Variants in CREBBP observed in about 807,000 individuals in gnomAD.
CREBBP encodes the protein CREB binding lysine acetyltransferase, also known as CREB-binding protein.
A neutral mutation model predicts 265.0 loss-of-function variants in CREBBP; 19 were observed. The ratio of observed to expected loss-of-function variants is 0.07; its 90% CI spans 0.05 to 0.11. The LOEUF is 0.11. Ranked by LOEUF, CREBBP falls within the 10% of genes least tolerant of loss-of-function variation. CREBBP has a pLI of 1.00. For missense variants in CREBBP, 2,525 were observed against 3,219.0 expected (o/e 0.78, Z 5.22); for synonymous variants, 1,457 against 1,223.7 (o/e 1.19, Z -3.98).
At chr16:3,735,109 C>T (rs1201834054) in intron 28 of CREBBP, among the ~76,000 whole-genome samples, 1 of 152,228 alleles carries the variant, frequency 6.6e-6, no homozygotes, top group Non-Finnish European at 1.5e-5. Flanking sequence ...CACAGCGCGC[C>T]TCCTCCCACC....
intron 2 of CREBBP, among the ~76,000 whole-genome samples, chr16:3,816,335 TATG>T (rs2054035594): frequency 6.6e-6 from 1 of 152,192 alleles, no homozygotes; most frequent in Non-Finnish European, 1.5e-5. Flanking sequence ...AGTCCCTGTG[TATG>T]ATAAGAAAAA....
At chr16:3,878,182 G>A (rs2055442576) in intron 1 of CREBBP, among the ~76,000 whole-genome samples, 1 of 152,188 alleles carries the variant, frequency 6.6e-6, no homozygotes, top group African/African-American at 2.4e-5. Context: ...CAGAAGACAA[G>A]CTTCAAAGCT....
At chr16:3,734,593 C>T (rs1042708344) in intron 28 of CREBBP, among the ~76,000 whole-genome samples, 25 of 152,194 alleles carry the variant, frequency 1.6e-4, no homozygotes, top group Non-Finnish European at 1.2e-4. Flanking sequence ...ACTCACCAGA[C>T]ACCAGTGAGA....
chr16:3,801,394 G>A (rs1344829231), intron 3 of CREBBP, among the ~76,000 whole-genome samples: 1 of 152,220 alleles, frequency 6.6e-6, no homozygotes, highest in Non-Finnish European at 1.5e-5. Flanking sequence ...GGTGGGCTGG[G>A]TGCAGCAGCT....
At chr16:3,790,599 C>T (rs1400014011) in intron 5 of CREBBP, among the ~76,000 whole-genome samples, 1 of 152,134 alleles carries the variant, frequency 6.6e-6, no homozygotes, top group Non-Finnish European at 1.5e-5. Flanking sequence ...ATCTGCCCGC[C>T]TCGGCCTCCC....
At chr16:3,783,009 A>G (rs1177688848) in intron 5 of CREBBP, 83 bp from the exon 6 acceptor site, 3 of 1,538,106 alleles carry the variant, frequency 2.0e-6, no homozygotes, top group Non-Finnish European at 2.7e-6. Flanking sequence ...AACTATTGAG[A>G]AGCAAATACA....
chr16:3,768,469 A>G (rs149833700), intron 15 of CREBBP, among the ~76,000 whole-genome samples: 1 of 152,334 alleles, frequency 6.6e-6, no homozygotes, highest in African/African-American at 2.4e-5. Flanking sequence ...TTTTAAATGT[A>G]AAACTGCTTT....
At chr16:3,864,352 A>C (rs965786667) in intron 1 of CREBBP, among the ~76,000 whole-genome samples, 1 of 152,140 alleles carries the variant, frequency 6.6e-6, no homozygotes, top group African/African-American at 2.4e-5. Flanking sequence ...TAAGTCCAAA[A>C]AGTATGCCAG....
chr16:3,776,690 T>C (rs543132024), intron 11 of CREBBP, among the ~76,000 whole-genome samples: 15 of 152,104 alleles, frequency 9.9e-5, no homozygotes, highest in Non-Finnish European at 1.9e-4. Context: ...AAGAGTAACG[T>C]ACCACACCCC....
At chr16:3,803,313 T>C (rs1316835712) in intron 3 of CREBBP, among the ~76,000 whole-genome samples, 1 of 104,300 alleles carries the variant, frequency 9.6e-6, no homozygotes. Context: ...AAGACCAGCC[T>C]GGCCAACATG....
intron 16 of CREBBP, among the ~76,000 whole-genome samples, chr16:3,761,002 T>C (rs962126189): frequency 1.3e-5 from 2 of 152,148 alleles, no homozygotes; most frequent in Non-Finnish European, 2.9e-5. Flanking sequence ...TTGTCTAGGC[T>C]GGAGTGCAAT....
At chr16:3,792,138 C>T (rs770598536) in intron 4 of CREBBP, 44 bp from the exon 5 acceptor site, 4 of 1,447,888 alleles carry the variant, frequency 2.8e-6, no homozygotes, top group Admixed American at 1.7e-5. Flanking sequence ...CTATCCAAAT[C>T]GTCACACTTT....
chr16:3,769,412 C>G (rs964735332), intron 14 of CREBBP, 59 bp from the exon 15 acceptor site: 1 of 1,593,046 alleles, frequency 6.3e-7, no homozygotes, highest in South Asian at 1.1e-5. Context: ...TGATCTTCAA[C>G]TATGCTGCTC....
intron 9 of CREBBP, 132 bp from the exon 10 acceptor site, chr16:3,778,314 AC>A (rs2053194165): frequency 1.4e-6 from 1 of 730,360 alleles, no homozygotes; most frequent in East Asian, 2.6e-5. Context: ...AATACCTGAT[AC>A]ACCAGAAGCC....
intron 16 of CREBBP, among the ~76,000 whole-genome samples, chr16:3,762,501 C>T (rs1372767896): frequency 6.6e-6 from 1 of 151,636 alleles, no homozygotes; most frequent in Non-Finnish European, 1.5e-5. Context: ...TTTCAGACTC[C>T]TGTCTTCACC....
chr16:3,857,856 G>A (rs1399434494), intron 1 of CREBBP, among the ~76,000 whole-genome samples: 1 of 152,194 alleles, frequency 6.6e-6, no homozygotes, highest in Non-Finnish European at 1.5e-5. Flanking sequence ...AAGCTGAAAT[G>A]AGAGAAAAGA....
In CREBBP at chr16:3,751,718, G is replaced by C. The variant is rs576243332; in HGVS notation, c.3779+8C>G. On this transcript the variant is annotated splice_region_variant and intron_variant, in intron 20 of 30. Transcript: ENST00000262367. ...TCACCCCAGAGAAAATGACAGGACGGTACTTACGTCTGGGGCTGTGAAGGG... is the reference window on the plus strand; with the variant it reads ...TCACCCCAGAGAAAATGACAGGACGCTACTTACGTCTGGGGCTGTGAAGGG... 6.2e-7 allele frequency: 1 copy of C among 1,613,864 alleles called. No individual in the cohort carries two copies. Among genetic ancestry groups the C allele is most frequent in the East Asian group, 2.2e-5 (1 of 44,882 alleles).
chr16:3,790,767 C>A (rs1567315701), intron 5 of CREBBP, among the ~76,000 whole-genome samples: 1 of 152,170 alleles, frequency 6.6e-6, no homozygotes. Flanking sequence ...TTAAAGGAAG[C>A]AGGGTCAGCG....
At chr16:3,838,716 T>C (rs1400101021) in intron 2 of CREBBP, among the ~76,000 whole-genome samples, 2 of 152,308 alleles carry the variant, frequency 1.3e-5, no homozygotes, top group East Asian at 1.9e-4. Context: ...ATAACAAACA[T>C]CAACTTTTTA....
Sources: gnomAD v4.1 joint callset for allele counts (sites outside exome capture counted in the v4.1 genomes callset) on GRCh38, gnomAD v4.1.1 for gene constraint, MANE v1.5 for transcripts, NCBI Gene and HGNC (gene_info 2026-07-23, HGNC 2026-07-21) for gene names.